RIOK2: variants seen among roughly 807,000 people sequenced by gnomAD.
RIOK2 encodes the protein serine/threonine-protein kinase RIO2.
RIOK2 carries 46 observed loss-of-function variants against 62.4 expected under a neutral mutation model. The ratio of observed to expected loss-of-function variants is 0.74; its 90% CI spans 0.58 to 0.94. The LOEUF (loss-of-function observed/expected upper bound fraction) is 0.94. Among genes scored for constraint, RIOK2 ranks in the 40% least tolerant of loss-of-function variants. The probability of loss-of-function intolerance (pLI) is 0.00; values close to 1 mark genes in which losing one functional copy is unlikely to be tolerated. For synonymous variants in RIOK2, 197 were observed against 216.0 expected (o/e 0.91, Z 0.77); for missense variants, 574 against 658.0 (o/e 0.87, Z 1.40).
intron 2 of RIOK2, among the ~76,000 whole-genome samples, chr5:97,178,352 T>TCTTCATGCC (rs1321889234): frequency 2.4e-4 from 1 of 4,226 alleles, no homozygotes; most frequent in African/African-American, 6.3e-4. Context: ...CTCTTCATGC[T>TCTTCATGCC]CTTCTACAGT....
rs549855467 is a variant in RIOK2, at chr5:97,174,771, T to TA, written c.499-1509dup. On this transcript the variant is annotated intron_variant, in intron 4 of 9. Transcript: ENST00000283109. ...AGTTTCTCTAAATTCAGTATATAAT[T>TA]AAAAAAAAAATTGTTCTTAGACTTG... Among the ~76,000 whole-genome samples the TA allele has an allele frequency of 8.0e-5, 12 of 150,458 alleles. No homozygotes were observed. In the South Asian group the frequency reaches 1.5e-3, roughly 18 times the overall value.
At chr5:97,168,717 T>C in intron 7 of RIOK2, 43 bp downstream of exon 7, 1 of 1,180,542 alleles carries the variant, frequency 8.5e-7, no homozygotes, top group Non-Finnish European at 1.2e-6. Flanking sequence ...ACAGACCAGA[T>C]ATTTAAACTG....
At position 97,177,163 on chromosome 5, in the gene RIOK2, G is replaced by C. The variant is rs1248775545; in HGVS notation, c.451C>G (p.Leu151Val). The C allele has an allele frequency of 6.2e-7, 1 of 1,613,016 alleles. No individual in the cohort carries two copies. ...ATGGCAGAGAGACGAGATAAATATAGCCATGACACATTGTGCCTATGTTTA... is the reference window on the plus strand; with the variant it reads ...ATGGCAGAGAGACGAGATAAATATACCCATGACACATTGTGCCTATGTTTA... ...YHKHRHNVSW[L>V]YLSRLSAMKE... Residue 151 changes from leucine to valine, a missense_variant, in exon 4 of 10, where the codon CTA becomes GTA. By Grantham distance (32) the Leu-to-Val change is conservative. Transcript: ENST00000283109.
chr5:97,177,354 C>G (rs1749198712), intron 3 of RIOK2, 63 bp from the exon 4 acceptor site: 4 of 1,352,390 alleles, frequency 3.0e-6, no homozygotes, highest in Non-Finnish European at 4.0e-6. Flanking sequence ...TAAAACAATT[C>G]TAACTTTCTC....
rs1224141116 is a variant in RIOK2, at chr5:97,161,100, A to G, written c.*1961T>C. The G allele has an allele frequency of 6.6e-6, 1 of 150,920 alleles. No individual in the cohort carries two copies. The highest frequency in any genetic ancestry group is 1.5e-5 in the Non-Finnish European group (1 of 67,914). 9.3% of individuals were successfully genotyped at this position (150,920 alleles called of 1,614,324 possible). ...TGTCAGGCACTGTAATAAACTCTTT[A>G]CAAGTGGTACTTCATTTAGTCTTCA... is the stretch of plus-strand genomic sequence containing the variant. On this transcript the variant is annotated 3_prime_UTR_variant, in exon 10 of 10. Coordinates refer to ENST00000283109, the MANE Select transcript of RIOK2 (RefSeq NM_018343.3).
In RIOK2 at chr5:97,161,709, A is replaced by G. The variant is rs1271199057; in HGVS notation, c.*1352T>C. The G allele has an allele frequency of 2.0e-5, 3 of 152,218 alleles. No homozygotes were observed. The highest frequency in any genetic ancestry group is 7.2e-5 in the African/African-American group (3 of 41,462). The allele number at this position is 152,218 out of a possible 1,614,324, so 9.4% of individuals were successfully genotyped here. A position where few individuals can be genotyped will look rare whatever the true frequency, so the allele number is the denominator to read the frequency against. The stretch of plus-strand genomic sequence containing the variant: ...CAACTGAGTCAACTAGGTAAAGCTG[A>G]GCAGGATAAGGCTTTATTCCCAATT... On this transcript the variant is annotated 3_prime_UTR_variant, in exon 10 of 10. Coordinates refer to ENST00000283109, the MANE Select transcript of RIOK2 (RefSeq NM_018343.3).
chr5:97,180,963 CAAAT>C (rs1185148048), intron 1 of RIOK2, among the ~76,000 whole-genome samples: 5 of 151,382 alleles, frequency 3.3e-5, no homozygotes, highest in Admixed American at 3.3e-4. Context: ...CACTGAGAGT[CAAAT>C]AAAAATGTTT....
chr5:97,168,852 C>A lies in RIOK2; in HGVS notation c.780G>T (p.Trp260Cys). The A allele has an allele frequency of 1.3e-6, 2 of 1,563,528 alleles. No individual in the cohort carries two copies. The highest frequency in any genetic ancestry group is 2.4e-5 in the South Asian group (2 of 84,944). Reference sequence around the variant, plus strand: ...TGCATTTAACATCTCTGTCAAAATACCTGCAAAAGCAAGAATCATTTATGA... The same window carrying A: ...TGCATTTAACATCTCTGTCAAAATAACTGCAAAAGCAAGAATCATTTATGA... ...MVSTSHPNAE[W>C]YFDRDVKCIK... Residue 260 changes from tryptophan to cysteine, a missense_variant and splice_region_variant, in exon 7 of 10, where the codon TGG becomes TGT. Trp to Cys is a radical substitution (Grantham distance 215). Coordinates refer to ENST00000283109, the MANE Select transcript of RIOK2 (RefSeq NM_018343.3).
At chr5:97,178,258 C>G (rs1407839834) in intron 2 of RIOK2, among the ~76,000 whole-genome samples, 3 of 152,182 alleles carry the variant, frequency 2.0e-5, no homozygotes, top group African/African-American at 7.2e-5. Context: ...AAGTAATGAT[C>G]TAGGGTATGA....
At chr5:97,180,169 T>A in intron 1 of RIOK2, among the ~76,000 whole-genome samples, 1 of 136,090 alleles carries the variant, frequency 7.3e-6, no homozygotes, top group Non-Finnish European at 1.5e-5. Flanking sequence ...TATGTGCTTT[T>A]TACCTCTGAG....
intron 6 of RIOK2, among the ~76,000 whole-genome samples, chr5:97,169,398 C>A (rs959529966): frequency 2.0e-5 from 3 of 152,194 alleles, no homozygotes; most frequent in African/African-American, 7.2e-5. Flanking sequence ...AATGCTACAG[C>A]CTATAAAAAT....
chr5:97,163,063 A>G lies in RIOK2; in HGVS notation c.1657T>C (p.Ter553GlnextTer3). The change falls in exon 10 of 10, where the codon TAA (stop) becomes CAA (glutamine). Residue 553 changes from the stop codon to glutamine (Q), a stop_lost. Coordinates refer to ENST00000283109, the MANE Select transcript of RIOK2 (RefSeq NM_018343.3). ...ACATATCCAAGATCCTAAATATATT[A>G]TTCTCCCCAAAAGCTGGCTGCTTCC... is the stretch of plus-strand genomic sequence containing the variant. The part of the protein sequence containing the change: ...SLEAASFWGE[*>Q] The G allele has an allele frequency of 6.2e-7, 1 of 1,608,472 alleles. No individual in the cohort carries two copies. Among genetic ancestry groups the G allele is most frequent in the South Asian group, 1.1e-5 (1 of 90,688 alleles).
intron 1 of RIOK2, among the ~76,000 whole-genome samples, chr5:97,179,978 A>ATAT (rs1749297777): frequency 9.0e-5 from 2 of 22,132 alleles, no homozygotes; most frequent in African/African-American, 2.6e-4. Flanking sequence ...TATATATATA[A>ATAT]TATATATATA....
chr5:97,165,049 A>G lies in RIOK2; in HGVS notation c.1494+2T>C. The G allele has an allele frequency of 6.3e-7, 1 of 1,584,464 alleles. No homozygotes were observed. Among genetic ancestry groups the G allele is most frequent in the Non-Finnish European group, 8.6e-7 (1 of 1,159,988 alleles). ...TTCAGTACATGTTGAATGACTACTT[A>G]CTGGAGGAATTGTTGAACAGCTTAC... On this transcript the variant is annotated splice_donor_variant, in intron 9 of 9. Transcript: ENST00000283109. LOFTEE classifies it high-confidence loss of function.
rs1421421154 is a variant in RIOK2 at position 97,182,787 on chromosome 5, G to A, written c.66+339C>T. 2 of 228,624 alleles carry A rather than the reference G, an allele frequency of 8.7e-6. 1 individual carries two copies. Among genetic ancestry groups the A allele is most frequent in the Non-Finnish European group, 1.8e-5 (2 of 113,890 alleles). 14.2% of individuals were successfully genotyped at this position (228,624 alleles called of 1,614,324 possible). On this transcript the variant is annotated intron_variant, in intron 1 of 9. Coordinates refer to ENST00000283109, the MANE Select transcript of RIOK2 (RefSeq NM_018343.3). ...CAATATTATCAAATCTCGGGGGGGG[G>A]GGGGGGCTTAAACCTTTCACAGCTG...
chr5:97,181,018 A>G (rs1425379863), intron 1 of RIOK2, among the ~76,000 whole-genome samples: 1 of 152,138 alleles, frequency 6.6e-6, no homozygotes, highest in Non-Finnish European at 1.5e-5. Context: ...TCACACCTGT[A>G]ATCCCAGCAC....
intron 3 of RIOK2, 21 bp downstream of exon 3, chr5:97,177,711 C>T: frequency 7.3e-7 from 1 of 1,371,252 alleles, no homozygotes; most frequent in Non-Finnish European, 1.0e-6. Flanking sequence ...AAATACTTTG[C>T]ACAGTACTAT....
intron 6 of RIOK2, 37 bp from the exon 7 acceptor site, chr5:97,168,889 T>C (rs369824351): frequency 1.6e-6 from 2 of 1,285,884 alleles, no homozygotes; most frequent in South Asian, 2.8e-5. Flanking sequence ...ATAGTCTTTA[T>C]TGCTCCTCTT....
intron 1 of RIOK2, among the ~76,000 whole-genome samples, chr5:97,181,225 T>C (rs980043533): frequency 1.1e-4 from 17 of 149,564 alleles, no homozygotes; most frequent in Non-Finnish European, 2.4e-4. Context: ...TGAGCTGAGA[T>C]TGTGCCACTG....
Sources: allele counts gnomAD v4.1 joint callset (sites outside exome capture counted in the v4.1 genomes callset), GRCh38; gene constraint gnomAD v4.1.1; transcripts MANE v1.5; gene names NCBI Gene and HGNC (gene_info 2026-07-23, HGNC 2026-07-21).